PCSK1: variants seen among roughly 807,000 people sequenced by gnomAD.
The protein encoded by PCSK1 is proprotein convertase subtilisin/kexin type 1, also known as neuroendocrine convertase 1.
In PCSK1, 56 loss-of-function variants were observed where a neutral mutation model predicts 90.6. The observed-to-expected ratio is 0.62, with a 90% CI of 0.50 to 0.77. PCSK1 has a LOEUF of 0.77. Among genes scored for constraint, PCSK1 ranks in the 30% least tolerant of loss-of-function variants. PCSK1 has a pLI of 0.00. For synonymous variants in PCSK1, 348 were observed against 342.4 expected, an observed-to-expected ratio of 1.02 and a Z score of -0.18; for missense variants, 801 against 932.6, an observed-to-expected ratio of 0.86 and a Z score of 1.84.
chr5:96,424,644 C>G (rs458450), intron 3 of PCSK1, among the ~76,000 whole-genome samples: 56,879 of 151,954 alleles, frequency 0.37, 10,908 homozygotes, highest in East Asian at 0.47. Context: ...TAAGTCTCTT[C>G]TGCTGCAATG....
At position 96,399,173 on chromosome 5, in the gene PCSK1, T is replaced by C. The variant is rs75117191; in HGVS notation, c.1431-137A>G. ...CTCCCTGTGATGTGTAGAACCTAAT[T>C]CAGAATTATGTATACATGAATTTTA... On this transcript the variant is annotated intron_variant, in intron 10 of 13. Transcript: ENST00000311106. The C allele has an allele frequency of 2.4e-3, 1,622 of 673,848 alleles. 22 individuals are homozygous for C. The African/African-American group carries it at 0.026, about 11-fold the overall frequency. 41.7% of individuals were successfully genotyped at this position (673,848 alleles called of 1,614,324 possible).
intron 7 of PCSK1, 120 bp from the exon 8 acceptor site, chr5:96,411,106 A>G: frequency 1.2e-6 from 1 of 800,914 alleles, no homozygotes; most frequent in Non-Finnish European, 2.2e-6. Flanking sequence ...TTTGGGATCT[A>G]TTTTCAATTC....
intron 8 of PCSK1, among the ~76,000 whole-genome samples, chr5:96,410,193 C>T (rs1760708735): frequency 6.6e-6 from 1 of 152,114 alleles, no homozygotes; most frequent in South Asian, 2.1e-4. Flanking sequence ...CTCATGGAAG[C>T]AAAGGCGCAG....
At chr5:96,424,831 C>T (rs1260017318) in intron 3 of PCSK1, among the ~76,000 whole-genome samples, 4 of 151,658 alleles carry the variant, frequency 2.6e-5, no homozygotes, top group Admixed American at 1.3e-4. Context: ...GGCATGGTGG[C>T]GGGCATCTGT....
intron 8 of PCSK1, among the ~76,000 whole-genome samples, chr5:96,409,546 T>C (rs565452520): frequency 6.6e-6 from 1 of 152,328 alleles, no homozygotes; most frequent in South Asian, 2.1e-4. Context: ...GGAGGGAGTT[T>C]TACAAAGATA....
At chr5:96,424,999 G>GAGAGAAAGA (rs1761240408) in intron 3 of PCSK1, among the ~76,000 whole-genome samples, 1 of 93,178 alleles carries the variant, frequency 1.1e-5, no homozygotes, top group Admixed American at 1.2e-4. Flanking sequence ...GAAAGAAAGA[G>GAGAGAAAGA]AAAGAAAGAA....
In PCSK1 at chr5:96,410,798, G is replaced by A. The variant is rs142840946; in HGVS notation, c.1071C>T (p.Ser357=). ...CSSTLATSYS[S]GDYTDQRITS... is the part of the protein sequence containing the mutation. The stretch of plus-strand genomic sequence containing the variant: ...CGATTCTCTGGTCGGTGTAATCTCC[G>A]CTGCTGTAAGAGGTGGCCAGTGTGG... The change falls in exon 8 of 14, where the codon AGC becomes AGT. Residue 357 remains serine, a synonymous_variant. Transcript: ENST00000311106. 355 of 1,613,960 alleles carry A rather than the reference G, an allele frequency of 2.2e-4. No individual in the cohort carries two copies. The highest frequency in any genetic ancestry group is 4.2e-4 in the Admixed American group (25 of 60,018).
chr5:96,416,933 G>C (rs770976009), intron 5 of PCSK1, among the ~76,000 whole-genome samples: 6 of 152,170 alleles, frequency 3.9e-5, no homozygotes, highest in Non-Finnish European at 5.9e-5. Flanking sequence ...CCACCATCCT[G>C]ACTCAGGAGG....
At chr5:96,398,719 A>G (rs894475909) in intron 11 of PCSK1, among the ~76,000 whole-genome samples, 160 bp downstream of exon 11, 1 of 152,114 alleles carries the variant, frequency 6.6e-6, no homozygotes, top group Non-Finnish European at 1.5e-5. Context: ...GGGCAGAGGG[A>G]GATCTAACAC....
chr5:96,427,750 A>G (rs1485941336), intron 2 of PCSK1, among the ~76,000 whole-genome samples: 2 of 152,202 alleles, frequency 1.3e-5, no homozygotes, highest in Admixed American at 1.3e-4. Flanking sequence ...TTTGAGTTCT[A>G]TGTGCATTAA....
At position 96,417,113 on chromosome 5, in the gene PCSK1, C is replaced by T. The variant is rs1056336266; in HGVS notation, c.621-992G>A. ...GGTTAGCTCGGAGCAATAATGTTGGCCAGTTACATTTCAATTCTACTATAC... is the reference window on the plus strand; with the variant it reads ...GGTTAGCTCGGAGCAATAATGTTGGTCAGTTACATTTCAATTCTACTATAC... On this transcript the variant is annotated intron_variant, in intron 5 of 13. Coordinates refer to ENST00000311106, the MANE Select transcript of PCSK1 (RefSeq NM_000439.5). Among the ~76,000 whole-genome samples, 25 of 152,284 alleles carry T rather than the reference C, an allele frequency of 1.6e-4. No homozygotes were observed. In the South Asian group the frequency reaches 1.7e-3, roughly 10 times the overall value.
At chr5:96,431,621 A>G (rs1313018977) in intron 1 of PCSK1, among the ~76,000 whole-genome samples, 1 of 152,168 alleles carries the variant, frequency 6.6e-6, no homozygotes, top group Non-Finnish European at 1.5e-5. Context: ...CTGCTGGGAC[A>G]CCAGGAAGCC....
At chr5:96,407,552 A>G (rs200673807) in intron 9 of PCSK1, among the ~76,000 whole-genome samples, 5 of 152,252 alleles carry the variant, frequency 3.3e-5, no homozygotes, top group East Asian at 1.9e-4. Context: ...TATAAAAATC[A>G]TTAAAACATG....
intron 6 of PCSK1, 116 bp from the exon 7 acceptor site, chr5:96,412,606 T>G: frequency 1.1e-6 from 1 of 947,028 alleles, no homozygotes; most frequent in Non-Finnish European, 1.6e-6. Flanking sequence ...AAAAACCAGG[T>G]AACTACTAGA....
rs561366341 is a variant in PCSK1, at chr5:96,420,232, G to C, written c.620+1648C>G. Among the ~76,000 whole-genome samples the C allele has an allele frequency of 5.9e-5, 9 of 152,350 alleles. 2 individuals are homozygous for C. The highest frequency in any genetic ancestry group is 2.2e-4 in the African/African-American group (9 of 41,588). On this transcript the variant is annotated intron_variant, in intron 5 of 13. Coordinates refer to ENST00000311106, the MANE Select transcript of PCSK1 (RefSeq NM_000439.5). ...GAAGAAAATGGAATAGAGGCAGAGA[G>C]AGGTAAGTGATTTCTCCAAGGTCAC...
chr5:96,411,846 G>A (rs570936624), intron 7 of PCSK1, among the ~76,000 whole-genome samples: 10 of 152,314 alleles, frequency 6.6e-5, no homozygotes, highest in Non-Finnish European at 8.8e-5. Flanking sequence ...GTCTCACTCT[G>A]TCACCCAGGC....
Position 96,400,142 on chromosome 5 carries a change from G to A in PCSK1, c.1241C>T (p.Thr414Ile). 1.2e-6 allele frequency: 2 copies of A among 1,614,168 alleles called. No individual in the cohort carries two copies. The highest frequency in any genetic ancestry group is 1.7e-6 in the Non-Finnish European group (2 of 1,180,014). ...WRDMQHLVVW[T>I]SEYDPLANNP... ...ATTGGCCAGCGGGTCATACTCAGAG[G>A]TCCAGACAACCAGGTGCTGCATATC... The change falls in exon 10 of 14, where the codon ACC becomes ATC. Residue 414 changes from threonine to isoleucine, a missense_variant. Thr to Ile is a moderately conservative substitution (Grantham distance 89). Coordinates refer to ENST00000311106, the MANE Select transcript of PCSK1 (RefSeq NM_000439.5).
rs2112455577 is a variant in PCSK1, at chr5:96,432,998, G to C, written c.45C>G (p.Leu15=). ...TGTTCAGTGCACACCAAGCGCAAAA[G>C]AGGACGAAAGCAGTGCACTGCAGAC... ...AWSLQCTAFV[L]FCAWCALNSA... is the part of the protein sequence containing the mutation. Residue 15 remains leucine (L), a synonymous_variant, in exon 1 of 14, where the codon CTC becomes CTG. Coordinates refer to ENST00000311106, the MANE Select transcript of PCSK1 (RefSeq NM_000439.5). The C allele has an allele frequency of 1.9e-6, 3 of 1,614,244 alleles. No homozygotes were observed. The highest frequency in any genetic ancestry group is 8.5e-7 in the Non-Finnish European group (1 of 1,180,026).
At chr5:96,408,455 C>G (rs569827069) in intron 8 of PCSK1, 132 bp from the exon 9 acceptor site, 3 of 704,710 alleles carry the variant, frequency 4.3e-6, no homozygotes, top group Admixed American at 4.0e-5. Context: ...TGCCTACTTT[C>G]TCCTCTAAAC....
Sources: allele counts gnomAD v4.1 joint callset (sites outside exome capture counted in the v4.1 genomes callset), GRCh38; gene constraint gnomAD v4.1.1; transcripts MANE v1.5; gene names NCBI Gene and HGNC (gene_info 2026-07-23, HGNC 2026-07-21).